Variants in TDRD9 observed in about 807,000 individuals in gnomAD.
TDRD9 encodes ATP-dependent RNA helicase TDRD9.
Under a neutral mutation model 172.6 loss-of-function variants are expected in TDRD9, and 124 were observed. The observed-to-expected ratio is 0.72, with a 90% confidence interval of 0.62 to 0.83. The LOEUF is 0.83. Ranked by LOEUF, TDRD9 falls within the 40% of genes least tolerant of loss-of-function variation. TDRD9 has a pLI of 0.00. For missense variants in TDRD9, 1,479 were observed against 1,714.1 expected (o/e 0.86, Z 2.42); for synonymous variants, 619 against 617.1 (o/e 1.00, Z -0.05).
At chr14:104,044,109 C>G (rs919538331) in intron 34 of TDRD9, among the ~76,000 whole-genome samples, 2 of 152,198 alleles carry the variant, frequency 1.3e-5, no homozygotes, top group Non-Finnish European at 2.9e-5. Context: ...GCAGGCCTGC[C>G]TTGTCTTCCG....
chr14:104,006,580 A>G, intron 16 of TDRD9, 26 bp downstream of exon 16: 1 of 1,611,876 alleles, frequency 6.2e-7, no homozygotes, highest in Admixed American at 1.7e-5. Flanking sequence ...AATAAATGCT[A>G]ATGGGAAGTT....
At chr14:103,995,889 C>A in intron 12 of TDRD9, 82 bp downstream of exon 12, 3 of 1,246,902 alleles carry the variant, frequency 2.4e-6, no homozygotes, top group South Asian at 1.5e-5. Context: ...AGGAATTGTT[C>A]TTCTCTTCCT....
intron 2 of TDRD9, among the ~76,000 whole-genome samples, chr14:103,956,142 AT>A (rs35369563): frequency 2.7e-5 from 3 of 112,134 alleles, no homozygotes; most frequent in African/African-American, 7.4e-5. Flanking sequence ...ATATATATAT[AT>A]ATATATAATT....
At position 104,040,195 on chromosome 14, in the gene TDRD9, G is replaced by A; in HGVS notation, c.3717-1G>A. ...GACTCTTCTGAAAACATTCCATTTA[G>A]GATTGATCAGAATGGCAAGTACTAT... On this transcript the variant is annotated splice_acceptor_variant, in intron 32 of 35. Coordinates refer to ENST00000409874, the MANE Select transcript of TDRD9 (RefSeq NM_153046.3). LOFTEE classifies it high-confidence loss of function. The A allele has an allele frequency of 6.6e-7, 1 of 1,515,840 alleles. No homozygotes were observed. The highest frequency in any genetic ancestry group is 8.9e-7 in the Non-Finnish European group (1 of 1,126,996). 93.9% of individuals were successfully genotyped at this position (1,515,840 alleles called of 1,614,324 possible).
rs1420811482 is a variant in TDRD9, at chr14:104,033,855, C to T, written c.3510-105C>T. On this transcript the variant is annotated intron_variant, in intron 30 of 35. Coordinates refer to ENST00000409874, the MANE Select transcript of TDRD9 (RefSeq NM_153046.3). Reference sequence around the variant, plus strand: ...AAATATTTCTTCCCGTCTATCATTGCAGTTGCCCGTTTGTATTTTTGAAAT... The same window carrying T: ...AAATATTTCTTCCCGTCTATCATTGTAGTTGCCCGTTTGTATTTTTGAAAT... 4 of 685,354 alleles carry T rather than the reference C, an allele frequency of 5.8e-6. No individual in the cohort carries two copies. The African/African-American group carries it at 7.1e-5, about 12-fold the overall frequency. The allele number at this position is 685,354 out of a possible 1,614,324, so 42.5% of individuals were successfully genotyped here.
intron 12 of TDRD9, 91 bp downstream of exon 12, chr14:103,995,898 C>T: frequency 5.2e-6 from 6 of 1,164,034 alleles, no homozygotes; most frequent in Non-Finnish European, 6.0e-6. Flanking sequence ...TCTTCTCTTC[C>T]TTCCCATCTC....
intron 34 of TDRD9, among the ~76,000 whole-genome samples, chr14:104,045,608 T>C (rs1169317694): frequency 1.3e-5 from 2 of 152,272 alleles, no homozygotes; most frequent in Non-Finnish European, 2.9e-5. Flanking sequence ...TGAAATCTAC[T>C]TGCTGTGGTT....
chr14:104,035,726 G>A (rs2035431281), intron 32 of TDRD9, among the ~76,000 whole-genome samples: 1 of 152,216 alleles, frequency 6.6e-6, no homozygotes, highest in South Asian at 2.1e-4. Flanking sequence ...TTGGGCTTTA[G>A]GAACTCACAT....
intron 9 of TDRD9, among the ~76,000 whole-genome samples, chr14:103,992,341 GCTTA>G (rs1260767847): frequency 6.6e-6 from 1 of 152,166 alleles, no homozygotes; most frequent in Non-Finnish European, 1.5e-5. Flanking sequence ...AATGAAAGTA[GCTTA>G]CTTAATTTTG....
intron 8 of TDRD9, among the ~76,000 whole-genome samples, chr14:103,986,977 G>C (rs1384343436): frequency 6.6e-6 from 1 of 152,142 alleles, no homozygotes; most frequent in Non-Finnish European, 1.5e-5. Context: ...AGCTGGGCAT[G>C]GTGGTGCGCA....
At chr14:104,006,285 C>T in intron 15 of TDRD9, 104 bp from the exon 16 acceptor site, 3 of 896,830 alleles carry the variant, frequency 3.3e-6, no homozygotes, top group Non-Finnish European at 5.1e-6. Context: ...GAATGTTATT[C>T]ACCAAAATTA....
Position 104,040,334 on chromosome 14 carries a change from G to C in TDRD9, c.3855G>C (p.Glu1285Asp), listed in dbSNP as rs1187326022. 1 of 1,548,026 alleles carries C rather than the reference G, an allele frequency of 6.5e-7. No homozygotes were observed. Among genetic ancestry groups the C allele is most frequent in the East Asian group, 2.5e-5 (1 of 40,816 alleles). ...DVQFSVEDVV[E>D]VNILRAAINK... ...AATTCAGCGTGGAGGATGTCGTCGA[G>C]GTAAGGGTAGTGCAGCATCACGGCA... Residue 1285 changes from glutamate to aspartate, a missense_variant and splice_region_variant, in exon 33 of 36, where the codon GAG (glutamate) becomes GAC (aspartate). By Grantham distance (45) the Glu-to-Asp change is conservative (BLOSUM62 2). Transcript: ENST00000409874.
intron 30 of TDRD9, among the ~76,000 whole-genome samples, chr14:104,033,567 C>G (rs78259611): frequency 0.029 from 4,351 of 152,234 alleles, 127 homozygotes; most frequent in African/African-American, 0.075. Flanking sequence ...TGAGGGGTGA[C>G]AGAGGAACTG....
intron 6 of TDRD9, among the ~76,000 whole-genome samples, chr14:103,971,681 T>C (rs552067390): frequency 6.6e-6 from 1 of 152,274 alleles, no homozygotes; most frequent in African/African-American, 2.4e-5. Flanking sequence ...ACACCAGATC[T>C]TGCCAGGAAG....
In TDRD9 at chr14:103,975,435, A is replaced by C; in HGVS notation, c.893A>C (p.Tyr298Ser). Residue 298 changes from tyrosine to serine, a missense_variant, in exon 7 of 36, where the codon TAC becomes TCC. Tyr to Ser is a moderately radical substitution (Grantham distance 144). Coordinates refer to ENST00000409874, the MANE Select transcript of TDRD9 (RefSeq NM_153046.3). ...ATCAGCTGTAAAGAGTTTGCAGACT[A>C]CTTTGCTGTTCCTGTTCAAAACAAG... is the stretch of plus-strand genomic sequence containing the variant. ...ATISCKEFAD[Y>S]FAVPVQNKMN... 6.2e-7 allele frequency: 1 copy of C among 1,613,984 alleles called. No individual in the cohort carries two copies. Among genetic ancestry groups the C allele is most frequent in the Non-Finnish European group, 8.5e-7 (1 of 1,179,878 alleles).
chr14:104,004,319 T>C lies in TDRD9; in HGVS notation c.1565T>C (p.Val522Ala). The change falls in exon 14 of 36, where the codon GTT (valine) becomes GCT (alanine). Residue 522 changes from valine (V) to alanine (A), a missense_variant. By Grantham distance (64) the Val-to-Ala change is moderately conservative (BLOSUM62 0). Transcript: ENST00000409874. ...DFWDNSIPDH[V>A]VPEMLRCPLG... The stretch of plus-strand genomic sequence containing the variant: ...TGGGACAACTCCATCCCTGATCATG[T>C]TGTTCCTGAGATGTTGGTAATTCAC... 6.3e-7 allele frequency: 1 copy of C among 1,589,094 alleles called. No individual in the cohort carries two copies. The highest frequency in any genetic ancestry group is 8.6e-7 in the Non-Finnish European group (1 of 1,160,236).
At chr14:103,948,970 CAT>C (rs2031720748) in intron 1 of TDRD9, among the ~76,000 whole-genome samples, 1 of 150,894 alleles carries the variant, frequency 6.6e-6, no homozygotes, top group Admixed American at 6.6e-5. Flanking sequence ...GAGTCAATAT[CAT>C]AGGGCCAGAA....
At chr14:103,984,047 A>T (rs2033578865) in intron 7 of TDRD9, among the ~76,000 whole-genome samples, 1 of 152,172 alleles carries the variant, frequency 6.6e-6, no homozygotes, top group Non-Finnish European at 1.5e-5. Context: ...GAACGAGATG[A>T]TTTAGAGTAT....
chr14:103,985,834 G>T (rs1279354678), intron 7 of TDRD9, among the ~76,000 whole-genome samples: 1 of 152,146 alleles, frequency 6.6e-6, no homozygotes, highest in Non-Finnish European at 1.5e-5. Context: ...TGAGGTGGGG[G>T]TTTGACAGAG....
Sources: gnomAD v4.1 joint callset for allele counts (sites outside exome capture counted in the v4.1 genomes callset) on GRCh38, gnomAD v4.1.1 for gene constraint, MANE v1.5 for transcripts, NCBI Gene and HGNC (gene_info 2026-07-23, HGNC 2026-07-21) for gene names.